Variants in EXPH5 observed in about 807,000 individuals in gnomAD.
EXPH5 encodes exophilin 5.
A neutral mutation model predicts 41.1 loss-of-function variants in EXPH5; 42 were observed. The observed-to-expected ratio is 1.02, with a 90% CI of 0.80 to 1.32. EXPH5 has a LOEUF of 1.32. EXPH5 is among the 40% of genes most tolerant of loss of function. The probability of loss-of-function intolerance (pLI) is 0.00; values close to 1 mark genes in which losing one functional copy is unlikely to be tolerated. For synonymous variants in EXPH5, 798 were observed against 833.5 expected (o/e 0.96, Z 0.73); for missense variants, 2,298 against 2,314.5 (o/e 0.99, Z 0.15).
intron 1 of EXPH5, among the ~76,000 whole-genome samples, chr11:108,553,584 T>C (rs1354101851): frequency 1.3e-5 from 2 of 152,234 alleles, no homozygotes; most frequent in Non-Finnish European, 2.9e-5. Flanking sequence ...TTACACTGAA[T>C]AACTTGTCAT....
At chr11:108,552,923 C>CGGT (rs1269065969) in intron 1 of EXPH5, among the ~76,000 whole-genome samples, 2 of 151,892 alleles carry the variant, frequency 1.3e-5, no homozygotes, top group African/African-American at 4.8e-5. Context: ...AGGCCGGGTG[C>CGGT]GGTGGCTCAT....
rs2093657544 is a variant in EXPH5, at chr11:108,508,642, G to A, written c.*895C>T. 6.6e-6 allele frequency: 1 copy of A among 152,274 alleles called. No individual in the cohort carries two copies. Among genetic ancestry groups the A allele is most frequent in the South Asian group, 2.1e-4 (1 of 4,832 alleles). 9.4% of individuals were successfully genotyped at this position (152,274 alleles called of 1,614,324 possible). A position where few individuals can be genotyped will look rare whatever the true frequency, so the allele number is the denominator to read the frequency against. The stretch of plus-strand genomic sequence containing the variant: ...AGTAAAGGTAAGTCGGTCCCATGAA[G>A]GGATACCTACTTCCTACCTCTGCTC... On this transcript the variant is annotated 3_prime_UTR_variant, in exon 6 of 6. Transcript: ENST00000265843.
At chr11:108,562,806 C>T (rs1001897605) in intron 1 of EXPH5, among the ~76,000 whole-genome samples, 3 of 151,862 alleles carry the variant, frequency 2.0e-5, no homozygotes, top group South Asian at 2.1e-4. Flanking sequence ...CCATTTAAAA[C>T]AAACAAACAA....
chr11:108,529,662 T>A (rs2093824146), intron 3 of EXPH5, among the ~76,000 whole-genome samples: 1 of 151,958 alleles, frequency 6.6e-6, no homozygotes. Context: ...CTGACCAACA[T>A]GGTGAAACCG....
In EXPH5 at chr11:108,510,338, C is replaced by A. The variant is rs758965358; in HGVS notation, c.5169G>T (p.Gln1723His). ...HENSKDVTAA[Q>H]NLVRESGAPS... is the part of the protein sequence containing the mutation. ...GGGCTCCTGATTCTCTTACTAAATT[C>A]TGAGCTGCTGTGACGTCTTTAGAAT... Residue 1723 changes from glutamine to histidine, a missense_variant, in exon 6 of 6, where the codon CAG becomes CAT. By Grantham distance (24) the Gln-to-His change is conservative. Coordinates refer to ENST00000265843, the MANE Select transcript of EXPH5 (RefSeq NM_015065.3). 6.2e-7 allele frequency: 1 copy of A among 1,614,168 alleles called. No homozygotes were observed. The highest frequency in any genetic ancestry group is 8.5e-7 in the Non-Finnish European group (1 of 1,180,044).
At chr11:108,539,984 T>G (rs2093903581) in intron 2 of EXPH5, among the ~76,000 whole-genome samples, 1 of 152,112 alleles carries the variant, frequency 6.6e-6, no homozygotes, top group African/African-American at 2.4e-5. Context: ...AGATAATATA[T>G]GGGTATCAAA....
Position 108,525,436 on chromosome 11 carries a change from C to T in EXPH5, c.492+2700G>A, listed in dbSNP as rs150249748. On this transcript the variant is annotated intron_variant, in intron 4 of 5. Transcript: ENST00000265843. ...GCATGCTCCTAAACATCCTGCAATA[C>T]GCAGGAGTCCAAAATGTCAATGGTG... 1.8e-3 allele frequency among the ~76,000 whole-genome samples: 280 copies of T among 152,270 alleles called. 1 individual carries two copies. Among genetic ancestry groups the T allele is most frequent in the African/African-American group, 6.1e-3 (255 of 41,556 alleles).
At chr11:108,569,304 C>T (rs1412399596) in intron 1 of EXPH5, among the ~76,000 whole-genome samples, 10 of 150,450 alleles carry the variant, frequency 6.6e-5, no homozygotes, top group Admixed American at 4.0e-4. Context: ...TCATTCGTCA[C>T]GTTATAGTGA....
chr11:108,587,718 ATATT>A (rs1322441955), intron 1 of EXPH5, among the ~76,000 whole-genome samples: 5 of 152,220 alleles, frequency 3.3e-5, no homozygotes, highest in Non-Finnish European at 7.3e-5. Context: ...CAAACATTCC[ATATT>A]TATTATCCAA....
chr11:108,564,658 A>C (rs1233224223), intron 1 of EXPH5, among the ~76,000 whole-genome samples: 1 of 152,212 alleles, frequency 6.6e-6, no homozygotes, highest in Non-Finnish European at 1.5e-5. Context: ...GCCAGGCCAA[A>C]GGATGAACAT....
intron 1 of EXPH5, among the ~76,000 whole-genome samples, chr11:108,584,679 A>T (rs2094108411): frequency 6.6e-6 from 1 of 152,220 alleles, no homozygotes; most frequent in South Asian, 2.1e-4. Flanking sequence ...TCTTTCAACA[A>T]TGGTGTTGGG....
intron 4 of EXPH5, among the ~76,000 whole-genome samples, chr11:108,520,586 T>C (rs2093758870): frequency 7.5e-6 from 1 of 133,544 alleles, no homozygotes; most frequent in African/African-American, 3.3e-5. Context: ...TTATTTATTT[T>C]GAGGCGGAGT....
At chr11:108,556,230 C>G (rs140064787) in intron 1 of EXPH5, among the ~76,000 whole-genome samples, 221 of 151,192 alleles carry the variant, frequency 1.5e-3, no homozygotes, top group African/African-American at 5.2e-3. Context: ...AGCAGGGGAA[C>G]CTTCCTTATC....
chr11:108,557,975 C>T (rs547118569), intron 1 of EXPH5, among the ~76,000 whole-genome samples: 1 of 152,140 alleles, frequency 6.6e-6, no homozygotes, highest in South Asian at 2.1e-4. Context: ...TGGAGTCTCA[C>T]TCTGTCACCC....
rs373793778 is a variant in EXPH5 at position 108,593,561 on chromosome 11, C to T, written c.-25G>A. 3 of 1,613,864 alleles carry T rather than the reference C, an allele frequency of 1.9e-6. No homozygotes were observed. In the African/African-American group the frequency reaches 4.0e-5, roughly 22 times the overall value. On this transcript the variant is annotated 5_prime_UTR_variant, in exon 1 of 6. The change creates a new upstream start codon in the 5' untranslated region. Coordinates refer to ENST00000265843, the MANE Select transcript of EXPH5 (RefSeq NM_015065.3). ...TTTTCTTTACTGTGTGTGAGTTACA[C>T]TTAAGCTCCTTGGCGCCTCCTGTTA...
chr11:108,538,014 A>T, intron 3 of EXPH5: 3 of 985,398 alleles, frequency 3.0e-6, no homozygotes, highest in Non-Finnish European at 3.6e-6. Context: ...CAGTCACATA[A>T]ATCTACATTG....
chr11:108,560,464 C>G (rs1322498060), intron 1 of EXPH5, among the ~76,000 whole-genome samples: 1 of 152,250 alleles, frequency 6.6e-6, no homozygotes. Flanking sequence ...ACCTGACAAA[C>G]CACTCCACCT....
chr11:108,512,184 G>A lies in EXPH5; in HGVS notation c.3323C>T (p.Thr1108Ile), dbSNP rs1272381772. 5 of 1,611,144 alleles carry A rather than the reference G, an allele frequency of 3.1e-6. No individual in the cohort carries two copies. The African/African-American group carries it at 4.0e-5, about 13-fold the overall frequency. ...RMTNVKSSGS[T>I]SVRKGPLPFL... is the part of the protein sequence containing the mutation. ...TGGAAGTGGTCCTTTTCTAACGGAA[G>A]TAGATCCACTGCTTTTTACATTTGT... The change falls in exon 6 of 6, where the codon ACT becomes ATT. Residue 1108 changes from threonine (T) to isoleucine (I), a missense_variant. Thr to Ile is a moderately conservative substitution (Grantham distance 89). Transcript: ENST00000265843.
chr11:108,513,794 G>C lies in EXPH5; in HGVS notation c.1713C>G (p.Thr571=), dbSNP rs569013902. 8 of 1,600,654 alleles carry C rather than the reference G, an allele frequency of 5.0e-6. No homozygotes were observed. Among genetic ancestry groups the C allele is most frequent in the Non-Finnish European group, 6.8e-6 (8 of 1,174,732 alleles). Residue 571 remains threonine (T), a synonymous_variant, in exon 6 of 6, where the codon ACC becomes ACG. Coordinates refer to ENST00000265843, the MANE Select transcript of EXPH5 (RefSeq NM_015065.3). The part of the protein sequence containing the change: ...DSMVVSHGNE[T]QLTPHFGTPN... ...GTGTGCCAAAATGAGGAGTCAACTGGGTCTCATTACCATGTGATACCACCA... is the reference window on the plus strand; with the variant it reads ...GTGTGCCAAAATGAGGAGTCAACTGCGTCTCATTACCATGTGATACCACCA...
Sources: gnomAD v4.1 joint callset for allele counts (sites outside exome capture counted in the v4.1 genomes callset) on GRCh38, gnomAD v4.1.1 for gene constraint, MANE v1.5 for transcripts, NCBI Gene and HGNC (gene_info 2026-07-23, HGNC 2026-07-21) for gene names.